Variants in CSF2RA observed in about 807,000 individuals in gnomAD.
The protein encoded by CSF2RA is colony stimulating factor 2 receptor subunit alpha, also known as granulocyte-macrophage colony-stimulating factor receptor subunit alpha.
A neutral mutation model predicts 51.6 loss-of-function variants in CSF2RA; 42 were observed. That is an observed-to-expected ratio of 0.81 (90% confidence interval 0.64 to 1.05). The LOEUF is 1.05. CSF2RA is among the 50% of genes least tolerant of loss of function. The probability of loss-of-function intolerance (pLI) is 0.00; values close to 1 mark genes in which losing one functional copy is unlikely to be tolerated. For synonymous variants in CSF2RA, 222 were observed against 193.0 expected (o/e 1.15, Z -1.24); for missense variants, 530 against 501.1 (o/e 1.06, Z -0.55).
At chrX:1,320,841 TTTTG>T in the CSF2RA span, among the ~76,000 whole-genome samples, 1 of 150,510 alleles carries the variant, frequency 6.6e-6, no homozygotes, top group Admixed American at 6.6e-5. Flanking sequence ...CTCTGTTTTT[TTTTG>T]TTTGTTTGTT....
At chrX:1,290,243 G>C (rs1332905191) in intron 6 of CSF2RA, 94 bp from the exon 7 acceptor site, 21 of 1,002,466 alleles carry the variant, frequency 2.1e-5, no homozygotes, top group Non-Finnish European at 3.1e-5. Flanking sequence ...TTGTGTTTTT[G>C]TGTTTTGTTT....
intron 7 of CSF2RA, 95 bp downstream of exon 7, chrX:1,290,604 C>A: frequency 8.0e-7 from 1 of 1,251,892 alleles, no homozygotes; most frequent in Non-Finnish European, 1.2e-6. Context: ...GTGTCTCACA[C>A]CTGTAATCTC....
chrX:1,315,422 G>T, the CSF2RA span, among the ~76,000 whole-genome samples: 67 of 152,078 alleles, frequency 4.4e-4, 1 homozygote, highest in African/African-American at 1.6e-3. Flanking sequence ...TTTGTTTTAA[G>T]AGACAGAGTC....
rs376147190 is a variant in CSF2RA at position 1,280,417 on chromosome X, G to A, written c.-26-2261G>A. ...ACCCGGGAGGCGGAGGTTGCAGTGA[G>A]CCAAGATTGCACCACTGCACTCCAG... On this transcript the variant is annotated intron_variant, in intron 2 of 12. Coordinates refer to ENST00000381529, the MANE Select transcript of CSF2RA (RefSeq NM_172245.4). 7.4e-5 allele frequency among the ~76,000 whole-genome samples: 11 copies of A among 148,536 alleles called. 1 individual carries two copies. Among genetic ancestry groups the A allele is most frequent in the African/African-American group, 2.7e-4 (11 of 40,538 alleles).
In CSF2RA at chrX:1,274,821, A is replaced by G. The variant is rs762233063; in HGVS notation, c.-27+3A>G. On this transcript the variant is annotated splice_donor_region_variant and intron_variant, in intron 2 of 12. Coordinates refer to ENST00000381529, the MANE Select transcript of CSF2RA (RefSeq NM_172245.4). ...CGGCGATGTTTGCGTAGAACCCTGT[A>G]CGTGCTTCCTTCGGCCTGTCGGTAA... 8.8e-6 allele frequency: 4 copies of G among 453,414 alleles called. No individual in the cohort carries two copies. The highest frequency in any genetic ancestry group is 6.0e-5 in the African/African-American group (3 of 49,880). 28.1% of individuals were successfully genotyped at this position (453,414 alleles called of 1,614,324 possible). A position where few individuals can be genotyped will look rare whatever the true frequency, so the allele number is the denominator to read the frequency against.
chrX:1,316,041 T>C, the CSF2RA span, among the ~76,000 whole-genome samples: 4 of 145,742 alleles, frequency 2.7e-5, no homozygotes, highest in Non-Finnish European at 4.5e-5. Flanking sequence ...GATAGACCAA[T>C]AGACAGATAG....
chrX:1,307,915 A>C (rs776283036), intron 12 of CSF2RA, among the ~76,000 whole-genome samples: 26 of 106,558 alleles, frequency 2.4e-4, no homozygotes, highest in South Asian at 6.5e-4. Context: ...CACCCTTCCC[A>C]TTTAGACCTT....
chrX:1,285,298 G>C (rs1411992951), intron 3 of CSF2RA, among the ~76,000 whole-genome samples: 1 of 149,472 alleles, frequency 6.7e-6, no homozygotes, highest in Admixed American at 6.8e-5. Flanking sequence ...GGGAGGAACA[G>C]ATACCTGAGG....
At chrX:1,295,280 G>A (rs1241459979) in intron 8 of CSF2RA, 147 bp from the exon 9 acceptor site, 18 of 929,312 alleles carry the variant, frequency 1.9e-5, no homozygotes, top group Middle Eastern at 2.1e-4. Context: ...TTGTAGATTC[G>A]GGGTTTGTGG....
At chrX:1,279,758 C>T (rs28421959) in intron 2 of CSF2RA, among the ~76,000 whole-genome samples, 103,713 of 151,434 alleles carry the variant, frequency 0.68, 36,665 homozygotes, top group African/African-American at 0.88. Flanking sequence ...TGCAGAGGAA[C>T]GGTCTGAGAG....
Position 1,285,800 on chromosome X carries a change from C to G in CSF2RA, c.99C>G (p.Ala33=), listed in dbSNP as rs758819335. The G allele has an allele frequency of 3.1e-6, 5 of 1,613,456 alleles. No homozygotes were observed. Among genetic ancestry groups the G allele is most frequent in the South Asian group, 1.1e-5 (1 of 91,040 alleles). ...CAGATCTGCGAACAGTGGCACCAGC[C>G]TCTAGTCTCAATGTGAGGTTTGACT... ...EKSDLRTVAP[A]SSLNVRFDSR... The change falls in exon 4 of 13, where the codon GCC becomes GCG. Residue 33 remains alanine (A), a synonymous_variant. Coordinates refer to ENST00000381529, the MANE Select transcript of CSF2RA (RefSeq NM_172245.4).
chrX:1,275,616 T>G (rs1464933309), intron 2 of CSF2RA, among the ~76,000 whole-genome samples: 2 of 151,978 alleles, frequency 1.3e-5, no homozygotes, highest in South Asian at 2.1e-4. Context: ...TGGAGTGCAG[T>G]GGCGCGATCT....
intron 2 of CSF2RA, 182 bp from the exon 3 acceptor site, chrX:1,282,496 A>G (rs1410773491): frequency 6.1e-6 from 4 of 657,370 alleles, no homozygotes; most frequent in Admixed American, 2.3e-5. Context: ...TCCTAATCCC[A>G]TGTGGGAGAC....
downstream of CSF2RA, among the ~76,000 whole-genome samples, chrX:1,313,817 C>T (rs189074020): frequency 6.0e-3 from 911 of 151,922 alleles, 2 homozygotes; most frequent in African/African-American, 0.021. Context: ...GGTGAAACTC[C>T]ATCTCTGCTA....
In CSF2RA at chrX:1,288,300, G is replaced by A. The variant is rs1258367610; in HGVS notation, c.220-219G>A. Among the ~76,000 whole-genome samples the A allele has an allele frequency of 1.4e-5, 2 of 142,874 alleles. 1 individual carries two copies. The highest frequency in any genetic ancestry group is 3.1e-5 in the Non-Finnish European group (2 of 63,896). 93.7% of individuals were successfully genotyped at this position (142,874 alleles called of 152,430 possible). On this transcript the variant is annotated intron_variant, in intron 4 of 12. Transcript: ENST00000381529. ...AGTTTGAGACCAGCCTGGCCAACAT[G>A]GTGAAACCCTGTCTCTACTACAAAT...
At position 1,286,128 on chromosome X, in the gene CSF2RA, C is replaced by T. The variant is rs1466678331; in HGVS notation, c.219+208C>T. On this transcript the variant is annotated intron_variant, in intron 4 of 12. Transcript: ENST00000381529. ...TCTCTACTACAAATACAAAATTAGC[C>T]GGGCGTGCTGGTGCATGCCTGTAGT... Among the ~76,000 whole-genome samples, 114 of 150,896 alleles carry T rather than the reference C, an allele frequency of 7.6e-4. 2 individuals are homozygous for T. The highest frequency in any genetic ancestry group is 5.6e-3 in the Admixed American group (85 of 15,052).
At chrX:1,284,195 CTTTTTTTT>C (rs752104115) in intron 3 of CSF2RA, among the ~76,000 whole-genome samples, 6 of 91,782 alleles carry the variant, frequency 6.5e-5, no homozygotes, top group Admixed American at 5.6e-4. Flanking sequence ...CTCTGTCTCT[CTTTTTTTT>C]TTTTTTTTTT....
chrX:1,282,363 G>A, intron 2 of CSF2RA: 1 of 468,978 alleles, frequency 2.1e-6, no homozygotes, highest in Non-Finnish European at 3.9e-6. Context: ...TCCTTGAAGT[G>A]TGTTAGAACC....
At chrX:1,294,499 A>C in intron 8 of CSF2RA, 38 bp downstream of exon 8, 1 of 1,611,786 alleles carries the variant, frequency 6.2e-7, no homozygotes. Context: ...ACCAGGAGGG[A>C]GGCGTACGGG....
Sources: allele counts gnomAD v4.1 joint callset (sites outside exome capture counted in the v4.1 genomes callset), GRCh38; gene constraint gnomAD v4.1.1; transcripts MANE v1.5; gene names NCBI Gene and HGNC (gene_info 2026-07-23, HGNC 2026-07-21).